Variants in UBR2 observed in about 807,000 individuals in gnomAD.
The protein encoded by UBR2 is ubiquitin protein ligase E3 component n-recognin 2.
Under a neutral mutation model 247.9 loss-of-function variants are expected in UBR2, and 92 were observed. The observed-to-expected ratio is 0.37, with a 90% CI of 0.31 to 0.44. The LOEUF (loss-of-function observed/expected upper bound fraction) is 0.44. UBR2 is among the 20% of genes least tolerant of loss of function. The probability of loss-of-function intolerance (pLI) is 1.00; values close to 1 mark genes in which losing one functional copy is unlikely to be tolerated. For missense variants in UBR2, 1,613 were observed against 2,112.6 expected, an observed-to-expected ratio of 0.76 and a Z score of 4.64; for synonymous variants, 672 against 693.5, an observed-to-expected ratio of 0.97 and a Z score of 0.49.
At chr6:42,602,437 C>G (rs1203045635) in intron 4 of UBR2, among the ~76,000 whole-genome samples, 1 of 151,530 alleles carries the variant, frequency 6.6e-6, no homozygotes, top group Non-Finnish European at 1.5e-5. Flanking sequence ...CTCCTGACCT[C>G]GCGATCCGCC....
intron 31 of UBR2, 28 bp downstream of exon 31, chr6:42,662,305 G>T: frequency 7.0e-7 from 1 of 1,427,306 alleles, no homozygotes; most frequent in South Asian, 1.3e-5. Context: ...TATTTGTCAA[G>T]AGAAGTTTAT....
chr6:42,586,343 C>G (rs1792257110), intron 2 of UBR2, among the ~76,000 whole-genome samples: 1 of 152,088 alleles, frequency 6.6e-6, no homozygotes, highest in African/African-American at 2.4e-5. Context: ...CTGGGCAACA[C>G]AGCCAGACCT....
At chr6:42,641,826 C>T in intron 17 of UBR2, 134 bp downstream of exon 17, 1 of 596,432 alleles carries the variant, frequency 1.7e-6, no homozygotes. Context: ...AATGATAAAA[C>T]AAAAAGTTTC....
rs1793719102 is a variant in UBR2 at position 42,606,631 on chromosome 6, C to G, written c.844C>G (p.Gln282Glu). Residue 282 changes from glutamine (Q) to glutamate (E), a missense_variant, in exon 7 of 47, where the codon CAA becomes GAA. By Grantham distance (29) the Gln-to-Glu change is conservative. Transcript: ENST00000372901. ...ATATGGAGATTTTCAGTATTGTGAG[C>G]AAGCAAAATCAGTAATTGTGGTAAG... is the stretch of plus-strand genomic sequence containing the variant. ...VRYGDFQYCE[Q>E]AKSVIVRNTS... The G allele has an allele frequency of 6.2e-7, 1 of 1,606,936 alleles. No homozygotes were observed.
At position 42,616,002 on chromosome 6, in the gene UBR2, G is replaced by T. The variant is rs1582543693; in HGVS notation, c.1094G>T (p.Gly365Val). 6.3e-7 allele frequency: 1 copy of T among 1,597,300 alleles called. No homozygotes were observed. Among genetic ancestry groups the T allele is most frequent in the Non-Finnish European group, 8.5e-7 (1 of 1,174,094 alleles). Reference sequence around the variant, plus strand: ...TTATACCGTGATCTTTTTCTACAAGGTGCTAGGAGTGTATATCATCAGTTG... The same window carrying T: ...TTATACCGTGATCTTTTTCTACAAGTTGCTAGGAGTGTATATCATCAGTTG... ...LMLSDSKLWK[G>V]ARSVYHQLFM... Residue 365 changes from glycine (G) to valine (V), a missense_variant and splice_region_variant, in exon 10 of 47, where the codon GGT (glycine) becomes GTT (valine). Coordinates refer to ENST00000372901, the MANE Select transcript of UBR2 (RefSeq NM_001363705.2).
chr6:42,591,853 G>A (rs1792683933), intron 2 of UBR2, among the ~76,000 whole-genome samples: 1 of 152,056 alleles, frequency 6.6e-6, no homozygotes, highest in South Asian at 2.1e-4. Context: ...GTGTTTTAAT[G>A]TGTAATGTGA....
chr6:42,670,782 A>G (rs1476846934), intron 36 of UBR2, 67 bp downstream of exon 36: 1 of 1,292,020 alleles, frequency 7.7e-7, no homozygotes, highest in Non-Finnish European at 1.1e-6. Context: ...GCTGCTTTTA[A>G]TCTTATGGAC....
chr6:42,679,006 C>T (rs1490339626), intron 41 of UBR2, among the ~76,000 whole-genome samples: 3 of 152,218 alleles, frequency 2.0e-5, no homozygotes, highest in East Asian at 1.9e-4. Flanking sequence ...TGAAAACTGA[C>T]AATTTCAAGT....
intron 41 of UBR2, 106 bp from the exon 42 acceptor site, chr6:42,679,618 T>C: frequency 2.5e-6 from 2 of 807,460 alleles, no homozygotes; most frequent in Admixed American, 2.7e-5. Flanking sequence ...ACCTGGCAAA[T>C]TGGAAGTCTT....
chr6:42,652,462 G>T lies in UBR2; in HGVS notation c.2615-29G>T, dbSNP rs374147674. 4.5e-4 allele frequency: 714 copies of T among 1,576,146 alleles called. 1 individual carries two copies. The highest frequency in any genetic ancestry group is 5.9e-4 in the Non-Finnish European group (691 of 1,167,648). ...AGTTTCTAAAGCATGTTCTGTAAAA[G>T]AAACCAATAATAACAACTGTATTTT... is the stretch of plus-strand genomic sequence containing the variant. On this transcript the variant is annotated intron_variant, in intron 24 of 46. Transcript: ENST00000372901.
chr6:42,682,506 TC>T (rs1208177873), intron 42 of UBR2, among the ~76,000 whole-genome samples: 1 of 151,908 alleles, frequency 6.6e-6, no homozygotes, highest in Non-Finnish European at 1.5e-5. Flanking sequence ...TCACAGCTCA[TC>T]CTCCTGGGTT....
chr6:42,623,801 A>G (rs930821915), intron 11 of UBR2, among the ~76,000 whole-genome samples: 1 of 152,208 alleles, frequency 6.6e-6, no homozygotes, highest in African/African-American at 2.4e-5. Context: ...CATGAATTTC[A>G]GGAGAGGCAT....
intron 2 of UBR2, among the ~76,000 whole-genome samples, chr6:42,575,915 A>G (rs1162417532): frequency 6.6e-6 from 1 of 152,184 alleles, no homozygotes; most frequent in African/African-American, 2.4e-5. Flanking sequence ...GTGGGGTCTC[A>G]TTATTATGCT....
intron 32 of UBR2, among the ~76,000 whole-genome samples, chr6:42,664,487 G>A (rs1396726556): frequency 6.6e-6 from 1 of 152,188 alleles, no homozygotes; most frequent in Non-Finnish European, 1.5e-5. Flanking sequence ...AGTTATGTGA[G>A]TATAAACGAT....
At chr6:42,567,142 C>T (rs1464563108) in intron 1 of UBR2, among the ~76,000 whole-genome samples, 1 of 152,178 alleles carries the variant, frequency 6.6e-6, no homozygotes, top group Admixed American at 6.5e-5. Flanking sequence ...CTAATGAGCA[C>T]TAGTGTCAAC....
intron 1 of UBR2, among the ~76,000 whole-genome samples, chr6:42,569,969 A>G (rs745337736): frequency 5.9e-5 from 9 of 152,254 alleles, no homozygotes; most frequent in East Asian, 1.9e-4. Context: ...TGTGACAGCT[A>G]CAAGTGTCTG....
chr6:42,599,448 TA>T (rs1305935290), intron 4 of UBR2, among the ~76,000 whole-genome samples: 1 of 151,868 alleles, frequency 6.6e-6, no homozygotes, highest in Non-Finnish European at 1.5e-5. Context: ...TTTAGAAAGA[TA>T]AAAAAAACTT....
intron 35 of UBR2, 41 bp from the exon 36 acceptor site, chr6:42,670,619 A>G (rs748626493): frequency 7.6e-5 from 63 of 827,738 alleles, no homozygotes; most frequent in Admixed American, 2.6e-4. Flanking sequence ...TAAAATATAC[A>G]TAACATAACA....
Position 42,601,903 on chromosome 6 carries a change from T to A in UBR2, c.532-1685T>A, listed in dbSNP as rs770672710. ...TTTTTTTTTTTTGATGGAGTTTTGCTCTGTTGCCCAGGCTGGAGTACAGTG... is the reference window on the plus strand; with the variant it reads ...TTTTTTTTTTTTGATGGAGTTTTGCACTGTTGCCCAGGCTGGAGTACAGTG... On this transcript the variant is annotated intron_variant, in intron 4 of 46. Coordinates refer to ENST00000372901, the MANE Select transcript of UBR2 (RefSeq NM_001363705.2). Among the ~76,000 whole-genome samples, 187 of 133,576 alleles carry A rather than the reference T, an allele frequency of 1.4e-3. 2 individuals are homozygous for A. The highest frequency in any genetic ancestry group is 3.7e-3 in the Middle Eastern group (1 of 268). The allele number at this position is 133,576 out of a possible 152,430, so 87.6% of individuals were successfully genotyped here. A position where few individuals can be genotyped will look rare whatever the true frequency, so the allele number is the denominator to read the frequency against.
Sources: gnomAD v4.1 joint callset for allele counts (sites outside exome capture counted in the v4.1 genomes callset) on GRCh38, gnomAD v4.1.1 for gene constraint, MANE v1.5 for transcripts, NCBI Gene and HGNC (gene_info 2026-07-23, HGNC 2026-07-21) for gene names.